PLGLB2: variants seen among roughly 807,000 people sequenced by gnomAD.
The protein encoded by PLGLB2 is plasminogen-like protein B.
rs1178427982 is a variant in PLGLB2 at position 87,759,410 on chromosome 2, TAC to T, written c.*2596_*2597del. Reference sequence around the variant, plus strand: ...ACAGACTTCTTATGCTTAAAACTCTTACACAGTGTTAACCCCAAGACAGATTT... The same window carrying T: ...ACAGACTTCTTATGCTTAAAACTCTTACAGTGTTAACCCCAAGACAGATTT... On this transcript the variant is annotated 3_prime_UTR_variant, in exon 4 of 4. Transcript: ENST00000359481. Among the ~76,000 whole-genome samples, 1 of 3,944 alleles carries T rather than the reference TAC, an allele frequency of 2.5e-4. No individual in the cohort carries two copies. The highest frequency in any genetic ancestry group is 9.9e-4 in the Non-Finnish European group (1 of 1,010). The allele number at this position is 3,944 out of a possible 152,430, so 2.6% of individuals were successfully genotyped here.
rs1684836374 is a variant in PLGLB2, at chr2:87,759,058, C to A, written c.*2240C>A. ...TGAGACAGAATTTTGCTCTCATTGC[C>A]CAGGCTAGAGTGCAATGGTGCGATC... On this transcript the variant is annotated 3_prime_UTR_variant, in exon 4 of 4. Coordinates refer to ENST00000359481, the MANE Select transcript of PLGLB2 (RefSeq NM_002665.4). Among the ~76,000 whole-genome samples the A allele has an allele frequency of 7.0e-6, 1 of 143,226 alleles. No homozygotes were observed. The highest frequency in any genetic ancestry group is 1.6e-5 in the Non-Finnish European group (1 of 64,148). 94.0% of individuals were successfully genotyped at this position (143,226 alleles called of 152,430 possible).
intron 1 of PLGLB2, among the ~76,000 whole-genome samples, chr2:87,749,209 T>G (rs1312049555): frequency 6.7e-6 from 1 of 148,372 alleles, no homozygotes; most frequent in Non-Finnish European, 1.5e-5. Flanking sequence ...TTTCAATATA[T>G]TGAGAGTTGT....
intron 1 of PLGLB2, among the ~76,000 whole-genome samples, chr2:87,750,089 G>A (rs1684621948): frequency 6.6e-6 from 1 of 152,058 alleles, no homozygotes; most frequent in Admixed American, 6.6e-5. Flanking sequence ...AAAAAAAAAT[G>A]GGGGAAAATT....
intron 1 of PLGLB2, among the ~76,000 whole-genome samples, chr2:87,750,698 T>C (rs1344819680): frequency 6.6e-6 from 1 of 150,444 alleles, no homozygotes; most frequent in East Asian, 2.0e-4. Context: ...CCTCAGGAGG[T>C]CAGGACGGGC....
chr2:87,756,461 T>C, intron 3 of PLGLB2: 1 of 263,678 alleles, frequency 3.8e-6, no homozygotes, highest in African/African-American at 2.2e-5. Context: ...TGTATCATCA[T>C]TAAGTGATCT....
chr2:87,756,154 C>A (rs1187395268), intron 3 of PLGLB2: 1 of 40,246 alleles, frequency 2.5e-5, no homozygotes, highest in Non-Finnish European at 5.7e-5. Context: ...CTAGCAAACA[C>A]CTGCCAGCTG....
intron 1 of PLGLB2, among the ~76,000 whole-genome samples, chr2:87,750,112 A>G (rs1684622294): frequency 6.6e-6 from 1 of 152,282 alleles, no homozygotes; most frequent in African/African-American, 2.4e-5. Flanking sequence ...TTCAAATTAA[A>G]AAGAAAAAAG....
chr2:87,758,209 AGTTTT>A lies in PLGLB2; in HGVS notation c.*1407_*1411del, dbSNP rs769737738. 0.067 allele frequency among the ~76,000 whole-genome samples: 9,810 copies of A among 147,404 alleles called. 4 individuals carry two copies. Among genetic ancestry groups the A allele is most frequent in the African/African-American group, 0.11 (4,387 of 39,664 alleles). ...CTTCATAGCTATTTATGCTTAGGCA[AGTTTT>A]GTTTTGTTTTGTTTTACGTTGCCAC... is the stretch of plus-strand genomic sequence containing the variant. On this transcript the variant is annotated 3_prime_UTR_variant, in exon 4 of 4. Coordinates refer to ENST00000359481, the MANE Select transcript of PLGLB2 (RefSeq NM_002665.4).
intron 1 of PLGLB2, among the ~76,000 whole-genome samples, chr2:87,750,863 C>T (rs1389217434): frequency 1.5e-5 from 2 of 136,054 alleles, no homozygotes; most frequent in Non-Finnish European, 3.2e-5. Flanking sequence ...GGCTTGTCTC[C>T]CGCTGCCGCC....
At chr2:87,751,378 C>G (rs1322277939) in intron 1 of PLGLB2, 1 of 147,884 alleles carries the variant, frequency 6.8e-6, no homozygotes, top group African/African-American at 2.4e-5. Flanking sequence ...CAGCCCAGTA[C>G]AAAAATGGCC....
chr2:87,751,027 A>G (rs1684637659), intron 1 of PLGLB2, among the ~76,000 whole-genome samples: 1 of 99,960 alleles, frequency 1.0e-5, no homozygotes, highest in African/African-American at 3.5e-5. Context: ...CCCCTGTGAA[A>G]ATCACTAGCA....
At chr2:87,751,449 A>G (rs3876781) in intron 1 of PLGLB2, 3 of 150,172 alleles carry the variant, frequency 2.0e-5, no homozygotes, top group African/African-American at 4.8e-5. Flanking sequence ...CAAGTTGGCA[A>G]CATAATTTAG....
Position 87,754,716 on chromosome 2 carries a change from A to G in PLGLB2, c.*1+1082A>G, listed in dbSNP as rs1684684673. ...ACAAGTAGCAAGCAAACGGTAAACT[A>G]AATAGGATGACCTAATTGTACCAGA... On this transcript the variant is annotated intron_variant, in intron 3 of 3. Coordinates refer to ENST00000359481, the MANE Select transcript of PLGLB2 (RefSeq NM_002665.4). Among the ~76,000 whole-genome samples, 3 of 150,476 alleles carry G rather than the reference A, an allele frequency of 2.0e-5. No individual in the cohort carries two copies. The South Asian group carries it at 6.4e-4, about 32-fold the overall frequency.
intron 3 of PLGLB2, among the ~76,000 whole-genome samples, chr2:87,754,736 A>G (rs1232000631): frequency 6.7e-6 from 1 of 150,082 alleles, no homozygotes; most frequent in East Asian, 1.9e-4. Context: ...ACCTAATTGT[A>G]CCAGATTTAA....
intron 1 of PLGLB2, among the ~76,000 whole-genome samples, chr2:87,750,749 G>A (rs1041779532): frequency 6.6e-6 from 1 of 150,836 alleles, no homozygotes; most frequent in Non-Finnish European, 1.5e-5. Context: ...CTTCCTACTG[G>A]ATATTTGTCA....
At position 87,759,068 on chromosome 2, in the gene PLGLB2, G is replaced by A. The variant is rs1684836984; in HGVS notation, c.*2250G>A. 7.1e-6 allele frequency among the ~76,000 whole-genome samples: 1 copy of A among 140,596 alleles called. No homozygotes were observed. Among genetic ancestry groups the A allele is most frequent in the African/African-American group, 2.5e-5 (1 of 39,248 alleles). The allele number at this position is 140,596 out of a possible 152,430, so 92.2% of individuals were successfully genotyped here. ...TTTTGCTCTCATTGCCCAGGCTAGA[G>A]TGCAATGGTGCGATCTCAGCTCACC... is the stretch of plus-strand genomic sequence containing the variant. On this transcript the variant is annotated 3_prime_UTR_variant, in exon 4 of 4. Coordinates refer to ENST00000359481, the MANE Select transcript of PLGLB2 (RefSeq NM_002665.4).
intron 3 of PLGLB2, chr2:87,756,488 C>T (rs1322325144): frequency 3.5e-6 from 1 of 283,976 alleles, no homozygotes; most frequent in Admixed American, 4.6e-5. Context: ...ATATTGTTTA[C>T]TTGAATATTT....
At chr2:87,751,158 G>A (rs1242279792) in intron 1 of PLGLB2, 2 of 103,424 alleles carry the variant, frequency 1.9e-5, no homozygotes, top group Non-Finnish European at 4.2e-5. Context: ...TGGGAGCACA[G>A]CTGAGGCCCC....
intron 1 of PLGLB2, among the ~76,000 whole-genome samples, chr2:87,750,603 C>A (rs1262255460): frequency 2.0e-5 from 3 of 149,440 alleles, no homozygotes; most frequent in African/African-American, 7.3e-5. Flanking sequence ...AGGACGAAGT[C>A]CCAGAGGTGG....
Sources: allele counts gnomAD v4.1 joint callset (sites outside exome capture counted in the v4.1 genomes callset), GRCh38; gene constraint gnomAD v4.1.1; transcripts MANE v1.5; gene names NCBI Gene and HGNC (gene_info 2026-07-23, HGNC 2026-07-21).